Variants in RNF216 observed in about 807,000 individuals in gnomAD.
The protein encoded by RNF216 is ring finger protein 216, also known as E3 ubiquitin-protein ligase RNF216.
A neutral mutation model predicts 110.8 loss-of-function variants in RNF216; 72 were observed. That is an observed-to-expected ratio of 0.65 (90% CI 0.54 to 0.79). RNF216 has a LOEUF of 0.79. Ranked by LOEUF, RNF216 falls within the 30% of genes least tolerant of loss-of-function variation. The pLI is 0.00. For missense variants in RNF216, 1,342 were observed against 1,141.2 expected, an observed-to-expected ratio of 1.18 and a Z score of -2.54; for synonymous variants, 495 against 407.5, an observed-to-expected ratio of 1.21 and a Z score of -2.59.
At chr7:5,719,517 A>T (rs1793280451) in intron 9 of RNF216, among the ~76,000 whole-genome samples, 1 of 152,202 alleles carries the variant, frequency 6.6e-6, no homozygotes, top group African/African-American at 2.4e-5. Flanking sequence ...GGGTTAAGAG[A>T]GACTAACTTG....
intron 10 of RNF216, 119 bp from the exon 11 acceptor site, chr7:5,715,309 T>C (rs896227620): frequency 3.3e-5 from 29 of 879,738 alleles, no homozygotes; most frequent in Non-Finnish European, 4.8e-5. Context: ...AGCAACCCAT[T>C]TTAGGGGCCA....
chr7:5,633,079 A>G (rs1787175078), intron 15 of RNF216, among the ~76,000 whole-genome samples: 1 of 151,776 alleles, frequency 6.6e-6, no homozygotes, highest in Non-Finnish European at 1.5e-5. Flanking sequence ...TCCCGGGTTC[A>G]AGTGATTCTC....
At chr7:5,635,767 C>T (rs1014109411) in intron 15 of RNF216, among the ~76,000 whole-genome samples, 7 of 152,208 alleles carry the variant, frequency 4.6e-5, no homozygotes, top group Non-Finnish European at 5.9e-5. Flanking sequence ...CATCTGCCTT[C>T]GAGCACTGCT....
At chr7:5,772,170 T>C (rs947683402) in intron 1 of RNF216, among the ~76,000 whole-genome samples, 1 of 151,694 alleles carries the variant, frequency 6.6e-6, no homozygotes, top group Non-Finnish European at 1.5e-5. Flanking sequence ...GAGGTGGAGG[T>C]TGCGGTGAGC....
At chr7:5,660,166 T>C (rs932553462) in intron 13 of RNF216, among the ~76,000 whole-genome samples, 2 of 150,516 alleles carry the variant, frequency 1.3e-5, no homozygotes, top group Non-Finnish European at 3.0e-5. Context: ...TTTCCCAGGG[T>C]GCTCTCAAAT....
At chr7:5,778,458 A>G (rs965691961) in intron 1 of RNF216, among the ~76,000 whole-genome samples, 1 of 152,194 alleles carries the variant, frequency 6.6e-6, no homozygotes, top group South Asian at 2.1e-4. Flanking sequence ...ACTTTAATAT[A>G]CTTATTTAGG....
At chr7:5,727,752 G>A (rs1056993916) in intron 7 of RNF216, among the ~76,000 whole-genome samples, 2 of 151,908 alleles carry the variant, frequency 1.3e-5, no homozygotes, top group African/African-American at 4.8e-5. Flanking sequence ...CCATGATGAT[G>A]ATGATAATAA....
intron 13 of RNF216, among the ~76,000 whole-genome samples, chr7:5,695,153 G>A (rs994791885): frequency 6.6e-6 from 1 of 152,070 alleles, no homozygotes; most frequent in Non-Finnish European, 1.5e-5. Flanking sequence ...ACCTATCCAC[G>A]GTTCTTCATC....
intron 6 of RNF216, among the ~76,000 whole-genome samples, chr7:5,729,887 C>G (rs1456725790): frequency 6.6e-6 from 1 of 152,036 alleles, no homozygotes; most frequent in African/African-American, 2.4e-5. Flanking sequence ...TATTTTTTTT[C>G]TATTACAGAA....
intron 3 of RNF216, among the ~76,000 whole-genome samples, chr7:5,744,914 G>A (rs574897588): frequency 1.4e-4 from 21 of 152,030 alleles, no homozygotes; most frequent in African/African-American, 5.1e-4. Context: ...AGAGGTTGCA[G>A]TGAGCCAAGA....
chr7:5,678,189 T>C (rs776043759), intron 13 of RNF216, among the ~76,000 whole-genome samples: 2 of 152,210 alleles, frequency 1.3e-5, no homozygotes, highest in Non-Finnish European at 2.9e-5. Flanking sequence ...TCTGAGGCTC[T>C]GGGGCCCTCT....
chr7:5,762,784 G>A (rs1265871565), intron 1 of RNF216, among the ~76,000 whole-genome samples: 3 of 152,156 alleles, frequency 2.0e-5, no homozygotes, highest in Non-Finnish European at 4.4e-5. Context: ...TTCTGGGTAA[G>A]GGAGAATGAA....
At chr7:5,662,266 G>C (rs921935440) in intron 13 of RNF216, among the ~76,000 whole-genome samples, 10 of 152,226 alleles carry the variant, frequency 6.6e-5, no homozygotes, top group Admixed American at 3.3e-4. Flanking sequence ...GTGTGAGGAA[G>C]TAGCTGTTCC....
chr7:5,779,181 G>A (rs1796939640), intron 1 of RNF216, among the ~76,000 whole-genome samples: 1 of 152,176 alleles, frequency 6.6e-6, no homozygotes, highest in Non-Finnish European at 1.5e-5. Flanking sequence ...AGTAGAATCA[G>A]CAAATACCAG....
At chr7:5,725,269 G>A in intron 8 of RNF216, 55 bp downstream of exon 8, 1 of 1,058,808 alleles carries the variant, frequency 9.4e-7, no homozygotes, top group Non-Finnish European at 1.5e-6. Context: ...TGACTGTGAA[G>A]AAGAAAAGGT....
At chr7:5,649,836 C>G (rs774321644) in intron 14 of RNF216, 2 of 152,194 alleles carry the variant, frequency 1.3e-5, no homozygotes, top group Non-Finnish European at 2.9e-5. Context: ...CATCTCTCAC[C>G]AGAACAAACA....
chr7:5,650,657 T>C (rs1452288008), intron 14 of RNF216, among the ~76,000 whole-genome samples: 2 of 152,162 alleles, frequency 1.3e-5, no homozygotes, highest in Non-Finnish European at 2.9e-5. Flanking sequence ...CCTTCATCCA[T>C]CTTCAAAGCC....
At chr7:5,652,295 T>C (rs1192255684) in intron 14 of RNF216, 118 bp downstream of exon 14, 2 of 728,630 alleles carry the variant, frequency 2.7e-6, no homozygotes, top group Non-Finnish European at 5.0e-6. Flanking sequence ...CCAAGATCAC[T>C]CCAGACTGGG....
At chr7:5,731,244 A>T (rs1455508469) in intron 5 of RNF216, among the ~76,000 whole-genome samples, 1 of 149,910 alleles carries the variant, frequency 6.7e-6, no homozygotes, top group Non-Finnish European at 1.5e-5. Context: ...TAAGAGATGT[A>T]ATAAATGAAA....
Sources: allele counts gnomAD v4.1 joint callset (sites outside exome capture counted in the v4.1 genomes callset), GRCh38; gene constraint gnomAD v4.1.1; transcripts MANE v1.5; gene names NCBI Gene and HGNC (gene_info 2026-07-23, HGNC 2026-07-21).